The following TYW1 variants were observed in gnomAD, a reference collection of about 807,000 sequenced individuals.
TYW1 encodes the protein tRNA-yW synthesizing protein 1 homolog.
Under a neutral mutation model 96.2 loss-of-function variants are expected in TYW1, and 46 were observed. The observed-to-expected ratio is 0.48, with a 90% CI of 0.38 to 0.61. TYW1 has a LOEUF of 0.61. TYW1 is among the 20% of genes least tolerant of loss of function. The pLI is 0.00. For synonymous variants in TYW1, 274 were observed against 323.0 expected, an observed-to-expected ratio of 0.85 and a Z score of 1.63; for missense variants, 684 against 909.6, an observed-to-expected ratio of 0.75 and a Z score of 3.19.
rs55993805 is a variant in TYW1 at position 67,139,728 on chromosome 7, GGTGTGTGT to G, written c.1698+22147_1698+22154del. On this transcript the variant is annotated intron_variant, in intron 13 of 15. Coordinates refer to ENST00000359626, the MANE Select transcript of TYW1 (RefSeq NM_018264.4). ...TGCATATTACATACCTGTGTATACA[GGTGTGTGT>G]GTGTGTGTGTGTGTGTGTGTGTGTG... is the stretch of plus-strand genomic sequence containing the variant. 2.0e-3 allele frequency among the ~76,000 whole-genome samples: 277 copies of G among 138,514 alleles called. 1 individual carries two copies. The highest frequency in any genetic ancestry group is 5.1e-3 in the African/African-American group (187 of 36,376). 90.9% of individuals were successfully genotyped at this position (138,514 alleles called of 152,430 possible). A position where few individuals can be genotyped will look rare whatever the true frequency, so the allele number is the denominator to read the frequency against.
chr7:67,087,653 C>G (rs1479931366), intron 11 of TYW1, among the ~76,000 whole-genome samples: 3 of 151,896 alleles, frequency 2.0e-5, no homozygotes, highest in Non-Finnish European at 4.4e-5. Context: ...AGGAAAACCT[C>G]AGTGTATTTA....
intron 5 of TYW1, among the ~76,000 whole-genome samples, chr7:67,016,392 A>G (rs1400919298): frequency 6.6e-6 from 1 of 151,646 alleles, no homozygotes; most frequent in Non-Finnish European, 1.5e-5. Flanking sequence ...TACTAAAAAT[A>G]CAAAATTAGC....
At chr7:67,076,625 G>A (rs995459017) in intron 10 of TYW1, among the ~76,000 whole-genome samples, 73 of 151,872 alleles carry the variant, frequency 4.8e-4, no homozygotes, top group African/African-American at 1.6e-3. Context: ...ACAGGCACAC[G>A]CCACCAAGCC....
chr7:67,160,308 A>C (rs1222564285), intron 13 of TYW1, among the ~76,000 whole-genome samples: 1 of 152,156 alleles, frequency 6.6e-6, no homozygotes, highest in Non-Finnish European at 1.5e-5. Context: ...TATTATGAAC[A>C]TTGCAACTCT....
chr7:67,082,234 TAA>T (rs1796412521), intron 10 of TYW1, among the ~76,000 whole-genome samples: 3 of 152,198 alleles, frequency 2.0e-5, no homozygotes, highest in Admixed American at 6.5e-5. Context: ...ACATCTGGTA[TAA>T]CAGTCACCCC....
chr7:67,085,344 G>C (rs113087671), intron 11 of TYW1, among the ~76,000 whole-genome samples: 1 of 152,134 alleles, frequency 6.6e-6, no homozygotes, highest in African/African-American at 2.4e-5. Flanking sequence ...CCCCCATGGT[G>C]TTCTCATGAT....
At chr7:67,211,088 CT>C (rs1215452490) in intron 15 of TYW1, among the ~76,000 whole-genome samples, 1 of 150,972 alleles carries the variant, frequency 6.6e-6, no homozygotes, top group East Asian at 1.9e-4. Context: ...ATTGTCCCAG[CT>C]TTGGCCATTC....
intron 13 of TYW1, among the ~76,000 whole-genome samples, chr7:67,120,986 T>C (rs1797742584): frequency 6.6e-6 from 1 of 152,254 alleles, no homozygotes; most frequent in African/African-American, 2.4e-5. Context: ...GCAATGACTT[T>C]CTGAGCATTT....
At chr7:67,038,178 A>G (rs1474610053) in intron 7 of TYW1, among the ~76,000 whole-genome samples, 3 of 152,074 alleles carry the variant, frequency 2.0e-5, no homozygotes, top group Non-Finnish European at 4.4e-5. Context: ...TGGCAGATGC[A>G]TGTAGTCCCA....
Position 67,173,963 on chromosome 7 carries a change from A to G in TYW1, c.1699-9163A>G, listed in dbSNP as rs2690173. Among the ~76,000 whole-genome samples the G allele has an allele frequency of 2.7e-3, 376 of 139,252 alleles. 12 individuals are homozygous for G. In the Middle Eastern group the frequency reaches 0.035, roughly 13 times the overall value. The allele number at this position is 139,252 out of a possible 152,430, so 91.4% of individuals were successfully genotyped here. A position where few individuals can be genotyped will look rare whatever the true frequency, so the allele number is the denominator to read the frequency against. ...AATGTTGAATCAGCCTTACCTACAG[A>G]TGGGTTGCAGGCAAACAACCCATTT... On this transcript the variant is annotated intron_variant, in intron 13 of 15. Coordinates refer to ENST00000359626, the MANE Select transcript of TYW1 (RefSeq NM_018264.4).
intron 10 of TYW1, among the ~76,000 whole-genome samples, chr7:67,073,809 G>A (rs1796118548): frequency 2.7e-5 from 4 of 145,874 alleles, no homozygotes; most frequent in Admixed American, 1.4e-4. Flanking sequence ...ATGGCCAGGC[G>A]CGGTTGCTCA....
At chr7:67,015,339 A>C (rs1382788966) in intron 5 of TYW1, among the ~76,000 whole-genome samples, 1 of 152,030 alleles carries the variant, frequency 6.6e-6, no homozygotes, top group Non-Finnish European at 1.5e-5. Flanking sequence ...CTCTTAAAAA[A>C]AATTTTTTTT....
chr7:67,122,581 G>A (rs1009047499), intron 13 of TYW1, among the ~76,000 whole-genome samples: 2 of 152,156 alleles, frequency 1.3e-5, no homozygotes, highest in African/African-American at 4.8e-5. Context: ...TTAATCCACT[G>A]GGGGAGGGCA....
At chr7:67,225,157 C>T (rs1168464303) in intron 15 of TYW1, among the ~76,000 whole-genome samples, 1 of 143,960 alleles carries the variant, frequency 6.9e-6, no homozygotes, top group Admixed American at 7.3e-5. Context: ...CACCACTGTA[C>T]TCCAGCCTGG....
At chr7:67,028,640 C>T (rs1794539294) in intron 7 of TYW1, among the ~76,000 whole-genome samples, 1 of 152,148 alleles carries the variant, frequency 6.6e-6, no homozygotes, top group African/African-American at 2.4e-5. Context: ...CTCAGTTAGG[C>T]GAGGCTGTGA....
chr7:67,081,244 C>G (rs1796384682), intron 10 of TYW1, among the ~76,000 whole-genome samples: 1 of 140,198 alleles, frequency 7.1e-6, no homozygotes, highest in East Asian at 2.0e-4. Flanking sequence ...TTTTTTCCAG[C>G]CCTTAGAATA....
At chr7:67,041,593 C>A (rs755558047) in intron 7 of TYW1, among the ~76,000 whole-genome samples, 2 of 152,202 alleles carry the variant, frequency 1.3e-5, no homozygotes, top group Non-Finnish European at 2.9e-5. Context: ...AGCCACTGAG[C>A]CTGGCTTTTT....
chr7:67,122,178 C>G (rs1026033695), intron 13 of TYW1, among the ~76,000 whole-genome samples: 1 of 137,120 alleles, frequency 7.3e-6, no homozygotes, highest in Non-Finnish European at 1.6e-5. Context: ...CATTAACATT[C>G]TTGAAACCCA....
At chr7:67,144,917 A>T (rs1798559194) in intron 13 of TYW1, among the ~76,000 whole-genome samples, 1 of 151,832 alleles carries the variant, frequency 6.6e-6, no homozygotes, top group Non-Finnish European at 1.5e-5. Context: ...GGAAAAATCC[A>T]GAATGCCAGC....
Sources: allele counts gnomAD v4.1 joint callset (sites outside exome capture counted in the v4.1 genomes callset), GRCh38; gene constraint gnomAD v4.1.1; transcripts MANE v1.5; gene names NCBI Gene and HGNC (gene_info 2026-07-23, HGNC 2026-07-21).